The following SPAG16 variants were observed in gnomAD, a reference collection of about 807,000 sequenced individuals.
SPAG16 encodes the protein sperm associated antigen 16.
A neutral mutation model predicts 80.4 loss-of-function variants in SPAG16; 86 were observed. The ratio of observed to expected loss-of-function variants is 1.07; its 90% CI spans 0.90 to 1.28. SPAG16 has a LOEUF of 1.28. Among genes scored for constraint, SPAG16 ranks in the 50% most tolerant of loss-of-function variants. SPAG16 has a pLI of 0.00. For synonymous variants in SPAG16, 294 were observed against 265.9 expected, an observed-to-expected ratio of 1.11 and a Z score of -1.03; for missense variants, 870 against 765.3, an observed-to-expected ratio of 1.14 and a Z score of -1.61.
At chr2:214,146,543 C>T (rs1205343343) in intron 14 of SPAG16, among the ~76,000 whole-genome samples, 1 of 152,162 alleles carries the variant, frequency 6.6e-6, no homozygotes, top group East Asian at 1.9e-4. Flanking sequence ...ACTCATCTAT[C>T]AGCTTAACAA....
At chr2:214,037,864 G>GGTGTGTGTGTGTGT (rs35564156) in intron 13 of SPAG16, among the ~76,000 whole-genome samples, 56 of 133,704 alleles carry the variant, frequency 4.2e-4, no homozygotes, top group African/African-American at 7.4e-4. Context: ...CCAGAAGCCT[G>GGTGTGTGTGTGTGT]GTGTGTGTGT....
At chr2:213,476,127 C>T (rs1171500134) in intron 9 of SPAG16, among the ~76,000 whole-genome samples, 2 of 152,212 alleles carry the variant, frequency 1.3e-5, no homozygotes, top group African/African-American at 4.8e-5. Flanking sequence ...ATTCATTCTA[C>T]CCACTAATAT....
intron 10 of SPAG16, among the ~76,000 whole-genome samples, chr2:213,731,198 C>T (rs1349762327): frequency 2.9e-5 from 4 of 140,094 alleles, no homozygotes; most frequent in Non-Finnish European, 6.1e-5. Flanking sequence ...CTCTTGTTGC[C>T]CAGGCTGGAG....
At chr2:213,524,829 C>T (rs1278167058) in intron 10 of SPAG16, among the ~76,000 whole-genome samples, 1 of 152,146 alleles carries the variant, frequency 6.6e-6, no homozygotes, top group Non-Finnish European at 1.5e-5. Context: ...CTTGCCTTGT[C>T]TAAGAAGAGA....
At chr2:214,316,760 A>C (rs1576762366) in intron 15 of SPAG16, among the ~76,000 whole-genome samples, 1 of 152,170 alleles carries the variant, frequency 6.6e-6, no homozygotes, top group Non-Finnish European at 1.5e-5. Flanking sequence ...TCAATGTTAC[A>C]TAATATAAAT....
At chr2:214,175,946 A>G (rs1227101807) in intron 15 of SPAG16, among the ~76,000 whole-genome samples, 1 of 151,354 alleles carries the variant, frequency 6.6e-6, no homozygotes, top group African/African-American at 2.4e-5. Context: ...GGAAACAGCA[A>G]TGAGAATTAA....
chr2:213,645,778 C>G (rs7567464), intron 10 of SPAG16, among the ~76,000 whole-genome samples: 8,847 of 151,680 alleles, frequency 0.058, 854 homozygotes, highest in African/African-American at 0.2. Flanking sequence ...AGTCACGTGG[C>G]CCCCCCAGTC....
At chr2:213,464,752 A>G (rs918194174) in intron 9 of SPAG16, among the ~76,000 whole-genome samples, 12 of 152,062 alleles carry the variant, frequency 7.9e-5, no homozygotes, top group Non-Finnish European at 1.6e-4. Context: ...GACCATTTTT[A>G]CCTGACAACA....
At chr2:213,812,543 T>C (rs2072234660) in intron 10 of SPAG16, among the ~76,000 whole-genome samples, 1 of 152,206 alleles carries the variant, frequency 6.6e-6, no homozygotes, top group Non-Finnish European at 1.5e-5. Context: ...GTAGCAGATG[T>C]ATGTTTATTT....
rs980597915 is a variant in SPAG16 at position 213,662,951 on chromosome 2, T to C, written c.1070+172861T>C. Among the ~76,000 whole-genome samples the C allele has an allele frequency of 2.0e-5, 3 of 152,158 alleles. No homozygotes were observed. The East Asian group carries it at 5.8e-4, about 29-fold the overall frequency. ...AGGTTGTAATAACCTGTAATGTAGA[T>C]AGGTTCAAGAATGTATAAGACATAT... is the stretch of plus-strand genomic sequence containing the variant. On this transcript the variant is annotated intron_variant, in intron 10 of 15. Transcript: ENST00000331683.
intron 10 of SPAG16, among the ~76,000 whole-genome samples, chr2:213,834,884 GC>G: frequency 6.6e-6 from 1 of 152,268 alleles, no homozygotes; most frequent in South Asian, 2.1e-4. Context: ...AGGACTGATA[GC>G]TTTTGTCATC....
intron 5 of SPAG16, among the ~76,000 whole-genome samples, chr2:213,333,933 C>G (rs2064224348): frequency 6.6e-6 from 1 of 152,140 alleles, no homozygotes; most frequent in African/African-American, 2.4e-5. Flanking sequence ...TAATACCCTA[C>G]AAGCACAGGC....
At chr2:213,389,614 A>G (rs924807616) in intron 9 of SPAG16, among the ~76,000 whole-genome samples, 1 of 152,214 alleles carries the variant, frequency 6.6e-6, no homozygotes, top group African/African-American at 2.4e-5. Context: ...TTGAAGATAT[A>G]TAAATGGTAA....
chr2:213,472,105 A>C (rs1316684951), intron 9 of SPAG16, among the ~76,000 whole-genome samples: 2 of 152,212 alleles, frequency 1.3e-5, no homozygotes, highest in African/African-American at 4.8e-5. Flanking sequence ...CATCTTGTAG[A>C]AGTAAAAAGC....
intron 10 of SPAG16, among the ~76,000 whole-genome samples, chr2:213,508,279 AATG>A (rs1379051426): frequency 1.3e-5 from 2 of 152,216 alleles, no homozygotes; most frequent in Non-Finnish European, 2.9e-5. Context: ...AGCCATAAAA[AATG>A]ATGAGTTCGG....
At chr2:213,303,938 A>G (rs953088363) in intron 3 of SPAG16, among the ~76,000 whole-genome samples, 1 of 151,976 alleles carries the variant, frequency 6.6e-6, no homozygotes, top group Non-Finnish European at 1.5e-5. Context: ...TCTTACTTTT[A>G]GTTTTTTTGG....
intron 15 of SPAG16, among the ~76,000 whole-genome samples, chr2:214,165,983 A>AGG (rs200140813): frequency 0.01 from 1,530 of 152,308 alleles, 23 homozygotes; most frequent in African/African-American, 0.035. Context: ...AATCAGGAAA[A>AGG]GATAATCACT....
chr2:214,070,206 G>A (rs1190946993), intron 13 of SPAG16, among the ~76,000 whole-genome samples: 4 of 151,520 alleles, frequency 2.6e-5, no homozygotes, highest in African/African-American at 7.3e-5. Flanking sequence ...TAATGCATAA[G>A]TATGTTTATG....
intron 14 of SPAG16, 83 bp downstream of exon 14, chr2:214,108,344 A>G: frequency 1.1e-5 from 13 of 1,166,446 alleles, no homozygotes; most frequent in African/African-American, 1.5e-5. Context: ...CCAAGCTAAA[A>G]TGGTAAGTTA....
Sources: gnomAD v4.1 joint callset for allele counts (sites outside exome capture counted in the v4.1 genomes callset) on GRCh38, gnomAD v4.1.1 for gene constraint, MANE v1.5 for transcripts, NCBI Gene and HGNC (gene_info 2026-07-23, HGNC 2026-07-21) for gene names.